ARL2: variants seen among roughly 807,000 people sequenced by gnomAD.
ARL2 encodes the protein ADP-ribosylation factor-like protein 2.
A neutral mutation model predicts 22.0 loss-of-function variants in ARL2; 11 were observed. The ratio of observed to expected loss-of-function variants is 0.50; its 90% CI spans 0.31 to 0.83. The LOEUF (loss-of-function observed/expected upper bound fraction) is 0.83. ARL2 is among the 40% of genes least tolerant of loss of function. The probability of loss-of-function intolerance (pLI) is 0.04; values close to 1 mark genes in which losing one functional copy is unlikely to be tolerated. For missense variants in ARL2, 216 were observed against 243.2 expected, an observed-to-expected ratio of 0.89 and a Z score of 0.74; for synonymous variants, 111 against 100.8, an observed-to-expected ratio of 1.10 and a Z score of -0.61.
chr11:65,015,089 G>GCCAC (rs1946234072), intron 1 of ARL2, among the ~76,000 whole-genome samples: 2 of 152,126 alleles, frequency 1.3e-5, no homozygotes, highest in African/African-American at 4.8e-5. Context: ...ATAGGCATGA[G>GCCAC]CCACGGAGTC....
intron 4 of ARL2, 58 bp from the exon 5 acceptor site, chr11:65,021,663 G>A: frequency 6.5e-7 from 1 of 1,535,384 alleles, no homozygotes; most frequent in Non-Finnish European, 8.8e-7. Context: ...GGAAGGGGCT[G>A]ACGGCAGGCA....
Position 65,018,255 on chromosome 11 carries a change from C to G in ARL2, c.66-109C>G. 1 of 826,398 alleles carries G rather than the reference C, an allele frequency of 1.2e-6. No homozygotes were observed. The highest frequency in any genetic ancestry group is 1.9e-6 in the Non-Finnish European group (1 of 524,018). The allele number at this position is 826,398 out of a possible 1,614,324, so 51.2% of individuals were successfully genotyped here. A position where few individuals can be genotyped will look rare whatever the true frequency, so the allele number is the denominator to read the frequency against. On this transcript the variant is annotated intron_variant, in intron 1 of 4. Transcript: ENST00000246747. The surrounding 1 kb of genome is among the most constrained non-coding windows in gnomAD (Gnocchi z 4.2). ...GGCCGATTATGGTCAGGCATGTGCT[C>G]AACTCAGTTTGATACATGGTGGGAA...
intron 3 of ARL2, chr11:65,019,232 CCT>C (rs1323118357): frequency 4.7e-6 from 1 of 211,936 alleles, no homozygotes; most frequent in Non-Finnish European, 9.6e-6. Flanking sequence ...AGAGCAAGAC[CCT>C]GTCTCAAAAA....
At chr11:65,014,379 T>G in intron 1 of ARL2, 107 bp downstream of exon 1, 1 of 934,906 alleles carries the variant, frequency 1.1e-6, no homozygotes, top group Admixed American at 3.9e-5. Flanking sequence ...GCGTCCCAAC[T>G]GCCCCTGGCG....
intron 1 of ARL2, among the ~76,000 whole-genome samples, chr11:65,017,597 G>T (rs531313786): frequency 6.1e-4 from 93 of 152,310 alleles, no homozygotes; most frequent in African/African-American, 2.1e-3. Flanking sequence ...GGGGCAGGGG[G>T]TCATCAGCGG....
chr11:65,016,016 G>A (rs575270541), intron 1 of ARL2, among the ~76,000 whole-genome samples: 3 of 152,200 alleles, frequency 2.0e-5, no homozygotes, highest in African/African-American at 7.2e-5. Context: ...AGACCAGTCT[G>A]GCCAACATGG....
intron 4 of ARL2, among the ~76,000 whole-genome samples, chr11:65,021,191 G>A (rs1043795817): frequency 6.6e-6 from 1 of 152,164 alleles, no homozygotes; most frequent in Non-Finnish European, 1.5e-5. Flanking sequence ...CTTGTCCCAG[G>A]TCACACAGCC....
chr11:65,019,054 C>T, intron 3 of ARL2: 4 of 870,400 alleles, frequency 4.6e-6, no homozygotes, highest in Non-Finnish European at 6.4e-6. Context: ...GCCATGGAGC[C>T]TGGCTCAAGA....
In ARL2 at chr11:65,014,177, A is replaced by T. The variant is rs1175033703; in HGVS notation, c.-31A>T. The T allele has an allele frequency of 6.5e-7, 1 of 1,538,344 alleles. No individual in the cohort carries two copies. The highest frequency in any genetic ancestry group is 8.7e-7 in the Non-Finnish European group (1 of 1,144,534). ...GGAGCGGGGTCCCGGGACTGGGAAG[A>T]AACGGCGGCCGGGAGGGGGCTCCGG... On this transcript the variant is annotated 5_prime_UTR_variant, in exon 1 of 5. Transcript: ENST00000246747.
In ARL2 at chr11:65,018,844, T is replaced by C. The variant is rs1437663812; in HGVS notation, c.339+111T>C. 4.5e-6 allele frequency: 7 copies of C among 1,545,134 alleles called. No homozygotes were observed. Among genetic ancestry groups the C allele is most frequent in the Non-Finnish European group, 6.1e-6 (7 of 1,151,268 alleles). The stretch of plus-strand genomic sequence containing the variant: ...GGAAACCAGAGGCAGGATCCCTTCC[T>C]TCTCTGGGCCCCCACCATGGGAGGC... On this transcript the variant is annotated intron_variant, in intron 3 of 4. Transcript: ENST00000246747. The surrounding 1 kb of genome is among the most constrained non-coding windows in gnomAD (Gnocchi z 4.2).
chr11:65,021,898 C>A lies in ARL2; in HGVS notation c.*43C>A, dbSNP rs11540368. ...CCACCTAGCAGTCCAGGTCCCTCAA[C>A]CTTCACCAAACACTACCCATGGGGG... is the stretch of plus-strand genomic sequence containing the variant. On this transcript the variant is annotated 3_prime_UTR_variant, in exon 5 of 5. Coordinates refer to ENST00000246747, the MANE Select transcript of ARL2 (RefSeq NM_001667.4). 0.023 allele frequency: 36,238 copies of A among 1,592,116 alleles called. 478 individuals are homozygous for A. Among genetic ancestry groups the A allele is most frequent in the Non-Finnish European group, 0.026 (30,833 of 1,168,730 alleles).
In ARL2 at chr11:65,020,557, T is replaced by C. The variant is rs1946315904; in HGVS notation, c.420+58T>C. On this transcript the variant is annotated intron_variant, in intron 4 of 4. Coordinates refer to ENST00000246747, the MANE Select transcript of ARL2 (RefSeq NM_001667.4). ...GGAAAGGGGCATACATTTATTTATTTTAAAAGCATTTATTAAAAATAACCA... is the reference window on the plus strand; with the variant it reads ...GGAAAGGGGCATACATTTATTTATTCTAAAAGCATTTATTAAAAATAACCA... 2.0e-6 allele frequency: 3 copies of C among 1,468,748 alleles called. No individual in the cohort carries two copies. The African/African-American group carries it at 4.3e-5, about 21-fold the overall frequency. The allele number at this position is 1,468,748 out of a possible 1,614,324, so 91.0% of individuals were successfully genotyped here.
chr11:65,020,408 T>C lies in ARL2; in HGVS notation c.340-11T>C, dbSNP rs79393344. On this transcript the variant is annotated splice_polypyrimidine_tract_variant and intron_variant, in intron 3 of 4. Coordinates refer to ENST00000246747, the MANE Select transcript of ARL2 (RefSeq NM_001667.4). ...AGTCCCCACCCCACCCCTCTATCTT[T>C]TCTCCCCCAGCGCCTGGCCGGAGCA... 82,422 of 1,609,332 alleles carry C rather than the reference T, an allele frequency of 0.051. 2,650 individuals carry two copies. Among genetic ancestry groups the C allele is most frequent in the African/African-American group, 0.12 (9,068 of 74,784 alleles).
rs1263123974 is a variant in ARL2, at chr11:65,020,416, C to A, written c.340-3C>A. On this transcript the variant is annotated splice_polypyrimidine_tract_variant and splice_region_variant and intron_variant, in intron 3 of 4. Transcript: ENST00000246747. Reference sequence around the variant, plus strand: ...CCCCACCCCTCTATCTTTTCTCCCCCAGCGCCTGGCCGGAGCAACCCTCCT... The same window carrying A: ...CCCCACCCCTCTATCTTTTCTCCCCAAGCGCCTGGCCGGAGCAACCCTCCT... The A allele has an allele frequency of 3.1e-6, 5 of 1,611,972 alleles. No individual in the cohort carries two copies. The highest frequency in any genetic ancestry group is 4.2e-6 in the Non-Finnish European group (5 of 1,179,010).
chr11:65,019,072 T>A, intron 3 of ARL2: 1 of 691,894 alleles, frequency 1.4e-6, no homozygotes, highest in Non-Finnish European at 2.1e-6. Flanking sequence ...AGAGTCTGAC[T>A]CTTTGCTGTG....
rs755708380 is a variant in ARL2 at position 65,018,675 on chromosome 11, C to T, written c.281C>T (p.Ala94Val). The change falls in exon 3 of 5, where the codon GCA becomes GTA. Residue 94 changes from alanine (A) to valine (V), a missense_variant. Transcript: ENST00000246747. The surrounding 1 kb of genome is among the most constrained non-coding windows in gnomAD (Gnocchi z 4.2). Reference sequence around the variant, plus strand: ...GGCCTCATCTGGGTAGTGGACAGCGCAGACCGCCAGCGCATGCAGGACTGC... The same window carrying T: ...GGCCTCATCTGGGTAGTGGACAGCGTAGACCGCCAGCGCATGCAGGACTGC... ...TDGLIWVVDS[A>V]DRQRMQDCQR... 3 of 1,614,200 alleles carry T rather than the reference C, an allele frequency of 1.9e-6. No homozygotes were observed. Among genetic ancestry groups the T allele is most frequent in the Non-Finnish European group, 2.5e-6 (3 of 1,180,036 alleles).
rs770092004 is a variant in ARL2, at chr11:65,018,452, A to G, written c.154A>G (p.Ile52Val). The change falls in exon 2 of 5, where the codon ATC becomes GTC. Residue 52 changes from isoleucine to valine, a missense_variant. Physicochemically the swap from Ile to Val is conservative, Grantham distance 29 (BLOSUM62 3). Coordinates refer to ENST00000246747, the MANE Select transcript of ARL2 (RefSeq NM_001667.4). The surrounding 1 kb of genome is among the most constrained non-coding windows in gnomAD (Gnocchi z 4.2). ...DTISPTLGFN[I>V]KTLEHRGFKL... ...CATCTCCCCAACGCTGGGCTTCAACATCAAGACCCTGGAGCACCGAGGGTG... is the reference window on the plus strand; with the variant it reads ...CATCTCCCCAACGCTGGGCTTCAACGTCAAGACCCTGGAGCACCGAGGGTG... The G allele has an allele frequency of 6.2e-7, 1 of 1,608,822 alleles. No homozygotes were observed.
At position 65,018,761 on chromosome 11, in the gene ARL2, T is replaced by A. The variant is rs371041179; in HGVS notation, c.339+28T>A. 1.9e-6 allele frequency: 3 copies of A among 1,612,410 alleles called. No homozygotes were observed. Among genetic ancestry groups the A allele is most frequent in the Non-Finnish European group, 2.5e-6 (3 of 1,179,880 alleles). On this transcript the variant is annotated intron_variant, in intron 3 of 4. Coordinates refer to ENST00000246747, the MANE Select transcript of ARL2 (RefSeq NM_001667.4). This position sits in a 1 kb window ranked among gnomAD's most constrained non-coding sequence, Gnocchi z 4.2. ...GGGCAGCTCCTACCCTTTGTGTACA[T>A]GTATGGACGTGTGGCTGCCTTCTCA...
At chr11:65,017,989 C>T (rs1590730264) in intron 1 of ARL2, among the ~76,000 whole-genome samples, 1 of 152,238 alleles carries the variant, frequency 6.6e-6, no homozygotes, top group Admixed American at 6.5e-5. Flanking sequence ...CCTCCGATGG[C>T]CCTCTTGGAA....
Sources: gnomAD v4.1 joint callset for allele counts (sites outside exome capture counted in the v4.1 genomes callset) on GRCh38, gnomAD v4.1.1 for gene constraint, Gnocchi (gnomAD v3.1) non-coding constraint, MANE v1.5 for transcripts, NCBI Gene and HGNC (gene_info 2026-07-23, HGNC 2026-07-21) for gene names.